The following CCDC192 variants were observed in gnomAD, a reference collection of about 807,000 sequenced individuals.
The protein encoded by CCDC192 is coiled-coil domain containing 192, also known as coiled-coil domain-containing protein 192.
intron 2 of CCDC192, among the ~76,000 whole-genome samples, chr5:127,752,761 C>T (rs935138781): frequency 3.3e-5 from 5 of 152,168 alleles, no homozygotes; most frequent in Admixed American, 1.3e-4. Flanking sequence ...TAGCAGTCAG[C>T]GAGACTCCGT....
intron 6 of CCDC192, among the ~76,000 whole-genome samples, chr5:127,917,960 T>A (rs1753574748): frequency 6.6e-6 from 1 of 151,978 alleles, no homozygotes; most frequent in Non-Finnish European, 1.5e-5. Context: ...GGCAATATAG[T>A]GAGACCTCGT....
At chr5:127,912,419 C>CCAAAAAA (rs755334662) in intron 6 of CCDC192, among the ~76,000 whole-genome samples, 1 of 81,452 alleles carries the variant, frequency 1.2e-5, no homozygotes, top group African/African-American at 5.0e-5. Context: ...CTGGGTTTAG[C>CCAAAAAA]AAAAAAAAAA....
At chr5:127,930,393 G>C (rs1289777872) in intron 6 of CCDC192, among the ~76,000 whole-genome samples, 4 of 152,020 alleles carry the variant, frequency 2.6e-5, no homozygotes, top group African/African-American at 9.7e-5. Flanking sequence ...CAATCTCATG[G>C]ACTCTCCCTC....
At chr5:127,704,163 C>T (rs1009927382) in intron 1 of CCDC192, among the ~76,000 whole-genome samples, 1 of 152,036 alleles carries the variant, frequency 6.6e-6, no homozygotes, top group Non-Finnish European at 1.5e-5. Context: ...TCACATGCAA[C>T]CATGGTTCTG....
At chr5:127,900,949 G>C (rs1225719317) in intron 6 of CCDC192, among the ~76,000 whole-genome samples, 1 of 152,104 alleles carries the variant, frequency 6.6e-6, no homozygotes, top group Non-Finnish European at 1.5e-5. Flanking sequence ...CTGAAGAAAA[G>C]ACCAATTTGA....
intron 6 of CCDC192, among the ~76,000 whole-genome samples, chr5:127,877,905 C>G (rs1017828266): frequency 5.3e-5 from 8 of 152,118 alleles, no homozygotes; most frequent in Admixed American, 1.3e-4. Flanking sequence ...GTCATAACAG[C>G]TTAAGGAGAA....
intron 5 of CCDC192, among the ~76,000 whole-genome samples, chr5:127,825,003 T>C (rs1016016636): frequency 2.6e-5 from 4 of 152,300 alleles, no homozygotes; most frequent in South Asian, 2.1e-4. Flanking sequence ...ATAATCTGGA[T>C]ACCTAAACTG....
At chr5:127,868,032 G>A (rs1193725873) in intron 5 of CCDC192, among the ~76,000 whole-genome samples, 2 of 136,316 alleles carry the variant, frequency 1.5e-5, no homozygotes, top group Non-Finnish European at 3.1e-5. Flanking sequence ...TTTTCAAGTT[G>A]GCGAGATCTT....
chr5:127,727,055 T>C (rs1752367324), intron 2 of CCDC192, among the ~76,000 whole-genome samples: 1 of 152,200 alleles, frequency 6.6e-6, no homozygotes, highest in African/African-American at 2.4e-5. Context: ...TGGACAGCCA[T>C]CTTTGCTGTT....
chr5:127,838,070 G>T lies in CCDC192; in HGVS notation c.412-37468G>T, dbSNP rs1263905112. On this transcript the variant is annotated intron_variant, in intron 5 of 6. Transcript: ENST00000514853. The stretch of plus-strand genomic sequence containing the variant: ...GAACTCTCTATTAAGTATTGGTTAT[G>T]CAAAGAGACGTTATCTACCCAATTC... Among the ~76,000 whole-genome samples, 3 of 152,280 alleles carry T rather than the reference G, an allele frequency of 2.0e-5. No individual in the cohort carries two copies. In the East Asian group the frequency reaches 5.8e-4, roughly 29 times the overall value.
intron 5 of CCDC192, among the ~76,000 whole-genome samples, chr5:127,836,067 G>C (rs1249372847): frequency 3.9e-5 from 6 of 152,148 alleles, no homozygotes; most frequent in African/African-American, 1.4e-4. Context: ...AAAATCAAAA[G>C]CAAGTTAGTT....
intron 3 of CCDC192, chr5:127,786,949 A>G (rs749557143): frequency 4.3e-5 from 17 of 396,068 alleles, no homozygotes; most frequent in Non-Finnish European, 6.8e-5. Flanking sequence ...TGCCACATGT[A>G]CACCTGCTGG....
chr5:127,898,257 C>T (rs538728025), intron 6 of CCDC192, among the ~76,000 whole-genome samples: 93 of 152,184 alleles, frequency 6.1e-4, no homozygotes, highest in African/African-American at 2.2e-3. Context: ...TATAGGCACC[C>T]ACCAACACGC....
chr5:127,801,621 A>G (rs748232954), intron 5 of CCDC192, among the ~76,000 whole-genome samples: 1 of 152,144 alleles, frequency 6.6e-6, no homozygotes, highest in Admixed American at 6.6e-5. Flanking sequence ...CTCTTCATTC[A>G]AATAACTCTT....
chr5:127,817,111 T>C (rs1749059664), intron 5 of CCDC192, among the ~76,000 whole-genome samples: 1 of 152,242 alleles, frequency 6.6e-6, no homozygotes, highest in African/African-American at 2.4e-5. Flanking sequence ...CTTTTCCACC[T>C]ATTACCGGGT....
At chr5:127,923,514 A>G (rs1328975102) in intron 6 of CCDC192, among the ~76,000 whole-genome samples, 1 of 151,934 alleles carries the variant, frequency 6.6e-6, no homozygotes, top group Non-Finnish European at 1.5e-5. Context: ...AGTAGCTGGG[A>G]CTACAGGCGC....
intron 2 of CCDC192, among the ~76,000 whole-genome samples, chr5:127,724,393 C>T (rs1752192698): frequency 1.3e-5 from 2 of 152,100 alleles, no homozygotes; most frequent in Non-Finnish European, 1.5e-5. Context: ...CAAATTATAG[C>T]AGCATTGAGT....
At chr5:127,915,388 T>G (rs1425268399) in intron 6 of CCDC192, among the ~76,000 whole-genome samples, 1 of 151,984 alleles carries the variant, frequency 6.6e-6, no homozygotes, top group Admixed American at 6.6e-5. Flanking sequence ...ATAAACTTTC[T>G]TTTTTTTGTT....
In CCDC192 at chr5:127,897,293, C is replaced by A. The variant is rs796555541; in HGVS notation, c.535+21632C>A. On this transcript the variant is annotated intron_variant, in intron 6 of 6. Transcript: ENST00000514853. Reference sequence around the variant, plus strand: ...TCAGCCCCCCGAGAATAAAAATCAACAACAAAAAATCAGTCTCTTATAGGA... The same window carrying A: ...TCAGCCCCCCGAGAATAAAAATCAAAAACAAAAAATCAGTCTCTTATAGGA... 4.0e-5 allele frequency among the ~76,000 whole-genome samples: 6 copies of A among 150,866 alleles called. No homozygotes were observed. In the South Asian group the frequency reaches 1.1e-3, roughly 26 times the overall value.
Sources: gnomAD v4.1 joint callset for allele counts (sites outside exome capture counted in the v4.1 genomes callset) on GRCh38, gnomAD v4.1.1 for gene constraint, MANE v1.5 for transcripts, NCBI Gene and HGNC (gene_info 2026-07-23, HGNC 2026-07-21) for gene names.